ASTN2: variants seen among roughly 807,000 people sequenced by gnomAD.
ASTN2 encodes the protein astrotactin-2.
In ASTN2, 54 loss-of-function variants were observed where a neutral mutation model predicts 139.8. The observed-to-expected ratio is 0.39, with a 90% CI of 0.31 to 0.48. The LOEUF (loss-of-function observed/expected upper bound fraction) is 0.48, where lower values mean the gene tolerates loss of function less well. ASTN2 is among the 20% of genes least tolerant of loss of function. The pLI is 0.95. For synonymous variants in ASTN2, 756 were observed against 719.5 expected, an observed-to-expected ratio of 1.05 and a Z score of -0.81; for missense variants, 1,565 against 1,725.1, an observed-to-expected ratio of 0.91 and a Z score of 1.64.
intron 10 of ASTN2, among the ~76,000 whole-genome samples, chr9:116,907,078 A>C (rs1834180785): frequency 6.6e-6 from 1 of 152,176 alleles, no homozygotes; most frequent in Non-Finnish European, 1.5e-5. Flanking sequence ...TTCAGCTAGG[A>C]CTATGATTCC....
chr9:116,506,734 G>A (rs1020321678), intron 19 of ASTN2, among the ~76,000 whole-genome samples: 4 of 152,178 alleles, frequency 2.6e-5, no homozygotes, highest in Non-Finnish European at 5.9e-5. Context: ...AGTAATTTCC[G>A]CTCTATAAAG....
At chr9:116,790,066 C>T (rs1164570857) in intron 13 of ASTN2, among the ~76,000 whole-genome samples, 2 of 151,812 alleles carry the variant, frequency 1.3e-5, no homozygotes, top group African/African-American at 2.4e-5. Flanking sequence ...GTTTGGATTA[C>T]AGGCACTCAC....
At chr9:117,358,450 C>G (rs1829604798) in intron 1 of ASTN2, among the ~76,000 whole-genome samples, 1 of 152,122 alleles carries the variant, frequency 6.6e-6, no homozygotes. Context: ...GTTGCAAACT[C>G]TGATTTTGGG....
intron 5 of ASTN2, among the ~76,000 whole-genome samples, chr9:117,041,302 T>G (rs1050435588): frequency 6.6e-6 from 1 of 152,064 alleles, no homozygotes; most frequent in African/African-American, 2.4e-5. Flanking sequence ...TTGTCTCTCA[T>G]CTCCTGGATA....
At chr9:116,953,553 T>C (rs1252266484) in intron 10 of ASTN2, among the ~76,000 whole-genome samples, 1 of 152,194 alleles carries the variant, frequency 6.6e-6, no homozygotes, top group Non-Finnish European at 1.5e-5. Flanking sequence ...GGACCCGAAT[T>C]ACAGAGACCA....
At chr9:116,906,857 G>A (rs979818510) in intron 10 of ASTN2, among the ~76,000 whole-genome samples, 3 of 152,286 alleles carry the variant, frequency 2.0e-5, no homozygotes, top group South Asian at 2.1e-4. Context: ...ATACCTTGAA[G>A]TTAGAGTTTT....
At chr9:116,921,866 G>T (rs1474649610) in intron 10 of ASTN2, among the ~76,000 whole-genome samples, 1 of 152,084 alleles carries the variant, frequency 6.6e-6, no homozygotes, top group African/African-American at 2.4e-5. Context: ...CTTCCACTGG[G>T]TCCCTCTCTT....
At chr9:116,593,441 G>A (rs552830112) in intron 19 of ASTN2, among the ~76,000 whole-genome samples, 1 of 152,326 alleles carries the variant, frequency 6.6e-6, no homozygotes, top group African/African-American at 2.4e-5. Flanking sequence ...GGAAGAGAAT[G>A]TCTGAAGGGA....
intron 1 of ASTN2, among the ~76,000 whole-genome samples, chr9:117,349,170 G>T (rs370987343): frequency 6.6e-5 from 10 of 152,308 alleles, no homozygotes; most frequent in African/African-American, 2.4e-4. Flanking sequence ...ACAGCAGACA[G>T]GAAGCTGCCG....
chr9:117,288,888 C>T (rs895235033), intron 2 of ASTN2, among the ~76,000 whole-genome samples: 21 of 152,250 alleles, frequency 1.4e-4, no homozygotes, highest in African/African-American at 3.9e-4. Context: ...CTAAACTGCC[C>T]CTATTAACAA....
intron 11 of ASTN2, among the ~76,000 whole-genome samples, chr9:116,830,724 G>A (rs185298843): frequency 6.6e-6 from 1 of 150,854 alleles, no homozygotes; most frequent in Non-Finnish European, 1.5e-5. Flanking sequence ...CCCAGGAGGC[G>A]GAGGTCACAG....
chr9:117,329,732 G>T (rs989886509), intron 1 of ASTN2, among the ~76,000 whole-genome samples: 5 of 152,170 alleles, frequency 3.3e-5, no homozygotes, highest in Non-Finnish European at 7.4e-5. Context: ...CTCAGTTGCT[G>T]CTGGGGTCAT....
intron 12 of ASTN2, among the ~76,000 whole-genome samples, chr9:116,812,780 G>A (rs1302440359): frequency 6.6e-6 from 1 of 152,134 alleles, no homozygotes; most frequent in African/African-American, 2.4e-5. Context: ...ACGTGTGTGT[G>A]AATGTGAGTG....
chr9:117,349,508 G>T (rs1829324351), intron 1 of ASTN2, among the ~76,000 whole-genome samples: 2 of 152,196 alleles, frequency 1.3e-5, no homozygotes, highest in South Asian at 4.1e-4. Flanking sequence ...TATTCATGCT[G>T]TGGAGAGAGG....
chr9:116,673,365 T>G (rs1043437242), intron 16 of ASTN2, among the ~76,000 whole-genome samples: 2 of 152,174 alleles, frequency 1.3e-5, no homozygotes, highest in African/African-American at 4.8e-5. Flanking sequence ...TATCCCTATT[T>G]TAAAGACAAT....
At chr9:117,365,188 A>G (rs1829803651) in intron 1 of ASTN2, among the ~76,000 whole-genome samples, 1 of 151,450 alleles carries the variant, frequency 6.6e-6, no homozygotes, top group Admixed American at 6.6e-5. Flanking sequence ...CAACAAAAAA[A>G]AGAAAAAATG....
chr9:116,694,296 G>A (rs546242243), intron 16 of ASTN2, among the ~76,000 whole-genome samples: 1 of 152,198 alleles, frequency 6.6e-6, no homozygotes, highest in African/African-American at 2.4e-5. Flanking sequence ...GATCTGCACT[G>A]CCAGCTCTGG....
At chr9:117,076,411 G>A (rs553512987) in intron 5 of ASTN2, among the ~76,000 whole-genome samples, 3 of 152,118 alleles carry the variant, frequency 2.0e-5, no homozygotes, top group African/African-American at 7.2e-5. Flanking sequence ...AGAAAAAGAG[G>A]GGGGGATAGA....
chr9:116,824,080 A>G (rs1331157144), intron 11 of ASTN2, among the ~76,000 whole-genome samples: 2 of 152,210 alleles, frequency 1.3e-5, no homozygotes, highest in African/African-American at 4.8e-5. Context: ...GCTAGAAATG[A>G]CATTTAGTGT....
Sources: gnomAD v4.1 joint callset for allele counts (sites outside exome capture counted in the v4.1 genomes callset) on GRCh38, gnomAD v4.1.1 for gene constraint, MANE v1.5 for transcripts, NCBI Gene and HGNC (gene_info 2026-07-23, HGNC 2026-07-21) for gene names.